BTBD9: variants seen among roughly 807,000 people sequenced by gnomAD.
BTBD9 encodes the protein BTB domain containing 9.
Under a neutral mutation model 64.3 loss-of-function variants are expected in BTBD9, and 49 were observed. That is an observed-to-expected ratio of 0.76 (90% CI 0.61 to 0.97). The LOEUF (loss-of-function observed/expected upper bound fraction) is 0.97, where lower values mean the gene tolerates loss of function less well. BTBD9 is among the 50% of genes least tolerant of loss of function. BTBD9 has a pLI of 0.00. For missense variants in BTBD9, 598 were observed against 762.1 expected, an observed-to-expected ratio of 0.78 and a Z score of 2.53; for synonymous variants, 260 against 274.7, an observed-to-expected ratio of 0.95 and a Z score of 0.53.
chr6:38,179,566 G>A (rs929672018), intron 10 of BTBD9: 2 of 456,586 alleles, frequency 4.4e-6, no homozygotes, highest in Non-Finnish European at 8.8e-6. Flanking sequence ...TCCAGCAGGT[G>A]CGCCCACAGC....
chr6:38,445,356 T>C (rs190772415), intron 6 of BTBD9, among the ~76,000 whole-genome samples: 1 of 152,360 alleles, frequency 6.6e-6, no homozygotes, highest in East Asian at 1.9e-4. Flanking sequence ...TTCTGTTGAC[T>C]ATCCTCATAT....
chr6:38,266,163 G>A (rs543043491), intron 8 of BTBD9, among the ~76,000 whole-genome samples: 1 of 152,292 alleles, frequency 6.6e-6, no homozygotes, highest in South Asian at 2.1e-4. Context: ...GCTAAACACT[G>A]CCCAAGCAAT....
intron 9 of BTBD9, among the ~76,000 whole-genome samples, chr6:38,235,071 T>G (rs1455981313): frequency 1.3e-5 from 2 of 152,244 alleles, no homozygotes; most frequent in African/African-American, 2.4e-5. Context: ...GGGTACACAG[T>G]AACTGCTAAA....
intron 4 of BTBD9, 113 bp downstream of exon 4, chr6:38,592,463 G>T (rs949233762): frequency 5.2e-6 from 6 of 1,145,230 alleles, no homozygotes; most frequent in African/African-American, 4.6e-5. Flanking sequence ...GTTTATAAAC[G>T]TACATATTTC....
chr6:38,512,932 A>G (rs947683957), intron 6 of BTBD9, among the ~76,000 whole-genome samples: 9 of 152,214 alleles, frequency 5.9e-5, no homozygotes, highest in African/African-American at 1.9e-4. Context: ...TGAAAATACC[A>G]AAGTTAACAA....
chr6:38,517,169 A>T (rs1773068686), intron 6 of BTBD9, among the ~76,000 whole-genome samples: 2 of 152,180 alleles, frequency 1.3e-5, no homozygotes, highest in Admixed American at 6.6e-5. Flanking sequence ...AACCAAGATG[A>T]TCTGTGAGCT....
At chr6:38,267,208 TA>T (rs1164229994) in intron 8 of BTBD9, among the ~76,000 whole-genome samples, 6 of 152,212 alleles carry the variant, frequency 3.9e-5, no homozygotes, top group African/African-American at 1.4e-4. Context: ...GTTGTGAATG[TA>T]AAAGGCCAGA....
intron 9 of BTBD9, among the ~76,000 whole-genome samples, chr6:38,236,900 C>G (rs1351438652): frequency 6.6e-6 from 1 of 152,180 alleles, no homozygotes; most frequent in East Asian, 1.9e-4. Context: ...AGGTTCAGAT[C>G]TGGGAAACAA....
intron 6 of BTBD9, among the ~76,000 whole-genome samples, chr6:38,357,970 C>T (rs1364023043): frequency 6.6e-6 from 1 of 152,198 alleles, no homozygotes; most frequent in East Asian, 1.9e-4. Flanking sequence ...TAAATTATCA[C>T]CATTCTGCAG....
In BTBD9 at chr6:38,286,847, C is replaced by T. The variant is rs144886460; in HGVS notation, c.1454+1425G>A. 1.4e-3 allele frequency among the ~76,000 whole-genome samples: 214 copies of T among 151,846 alleles called. 1 individual carries two copies. The highest frequency in any genetic ancestry group is 4.5e-3 in the African/African-American group (186 of 41,400). On this transcript the variant is annotated intron_variant, in intron 8 of 10. Coordinates refer to ENST00000481247, the MANE Select transcript of BTBD9 (RefSeq NM_001099272.2). ...CTGTAATCCCAGCACTTTGGGAGGCCGAGGCGGGCTGATCACTTGAGGTCA... is the reference window on the plus strand; with the variant it reads ...CTGTAATCCCAGCACTTTGGGAGGCTGAGGCGGGCTGATCACTTGAGGTCA...
intron 9 of BTBD9, among the ~76,000 whole-genome samples, chr6:38,217,188 G>A (rs190415331): frequency 7.9e-5 from 12 of 151,262 alleles, no homozygotes; most frequent in East Asian, 7.8e-4. Flanking sequence ...GCCTGGTGGC[G>A]GGTGCCTGTA....
At chr6:38,348,294 T>C (rs938608266) in intron 6 of BTBD9, among the ~76,000 whole-genome samples, 1 of 152,326 alleles carries the variant, frequency 6.6e-6, no homozygotes, top group African/African-American at 2.4e-5. Flanking sequence ...AGGTATCACA[T>C]TTTCTCTGTC....
chr6:38,547,318 T>C (rs932298509), intron 6 of BTBD9, among the ~76,000 whole-genome samples: 6 of 152,138 alleles, frequency 3.9e-5, no homozygotes, highest in African/African-American at 1.4e-4. Context: ...TAGTTCCAGC[T>C]ACTCAGGAGG....
intron 9 of BTBD9, among the ~76,000 whole-genome samples, chr6:38,203,213 A>G (rs1052316734): frequency 7.9e-5 from 12 of 152,190 alleles, no homozygotes; most frequent in African/African-American, 2.9e-4. Context: ...ACTCTTATAC[A>G]CTGTTGGTGG....
At chr6:38,431,027 C>T (rs4591850) in intron 6 of BTBD9, among the ~76,000 whole-genome samples, 72,523 of 151,682 alleles carry the variant, frequency 0.48, 18,133 homozygotes, top group Middle Eastern at 0.64. Context: ...CTTCTCATTT[C>T]GTTGTTGACT....
chr6:38,432,238 C>T (rs1164449893), intron 6 of BTBD9, among the ~76,000 whole-genome samples: 1 of 152,028 alleles, frequency 6.6e-6, no homozygotes, highest in African/African-American at 2.4e-5. Context: ...TTCCCAGCCT[C>T]CAGCGCTGTG....
intron 6 of BTBD9, among the ~76,000 whole-genome samples, chr6:38,543,514 G>A (rs894604537): frequency 6.6e-6 from 1 of 152,088 alleles, no homozygotes; most frequent in African/African-American, 2.4e-5. Context: ...TTTTCAATGG[G>A]CTCGGTCAAT....
chr6:38,585,384 T>C (rs528486032), intron 4 of BTBD9, among the ~76,000 whole-genome samples: 3 of 152,296 alleles, frequency 2.0e-5, no homozygotes, highest in African/African-American at 7.2e-5. Flanking sequence ...TTATAGCTCA[T>C]TGCAGCCTCA....
chr6:38,378,284 C>A (rs1427541796), intron 6 of BTBD9, among the ~76,000 whole-genome samples: 1 of 149,994 alleles, frequency 6.7e-6, no homozygotes, highest in Non-Finnish European at 1.5e-5. Context: ...TGCTGTGTCG[C>A]CCAGGCTGGA....
Sources: gnomAD v4.1 joint callset for allele counts (sites outside exome capture counted in the v4.1 genomes callset) on GRCh38, gnomAD v4.1.1 for gene constraint, MANE v1.5 for transcripts, NCBI Gene and HGNC (gene_info 2026-07-23, HGNC 2026-07-21) for gene names.